RNFT2: variants seen among roughly 807,000 people sequenced by gnomAD.
The protein encoded by RNFT2 is E3 ubiquitin-protein ligase RNFT2.
RNFT2 carries 36 observed loss-of-function variants against 53.0 expected under a neutral mutation model. That is an observed-to-expected ratio of 0.68 (90% CI 0.52 to 0.90). The LOEUF is 0.90. RNFT2 is among the 40% of genes least tolerant of loss of function. RNFT2 has a pLI of 0.00. For missense variants in RNFT2, 514 were observed against 585.6 expected, an observed-to-expected ratio of 0.88 and a Z score of 1.26; for synonymous variants, 260 against 253.2, an observed-to-expected ratio of 1.03 and a Z score of -0.26.
intron 7 of RNFT2, among the ~76,000 whole-genome samples, chr12:116,806,405 G>T (rs1172205027): frequency 1.7e-4 from 25 of 148,814 alleles, no homozygotes; most frequent in Admixed American, 8.8e-4. Flanking sequence ...TATATAGATA[G>T]ATAGATAGAT....
chr12:116,814,397 G>A (rs747101863), intron 7 of RNFT2, among the ~76,000 whole-genome samples: 1 of 152,114 alleles, frequency 6.6e-6, no homozygotes. Flanking sequence ...AAGGGAGGGC[G>A]ATGCTCTTTT....
chr12:116,757,768 C>T (rs1592941495), intron 5 of RNFT2, among the ~76,000 whole-genome samples: 1 of 152,232 alleles, frequency 6.6e-6, no homozygotes, highest in South Asian at 2.1e-4. Flanking sequence ...GAGAAAGTTC[C>T]ATGCGCTGTT....
chr12:116,833,678 TA>T, intron 7 of RNFT2, 113 bp from the exon 8 acceptor site: 1 of 1,074,074 alleles, frequency 9.3e-7, no homozygotes. Context: ...CAGAGCTGAT[TA>T]ATGGCCTGCC....
At chr12:116,809,045 G>A (rs984855664) in intron 7 of RNFT2, among the ~76,000 whole-genome samples, 6 of 152,320 alleles carry the variant, frequency 3.9e-5, no homozygotes, top group South Asian at 2.1e-4. Flanking sequence ...GCACAGGGCC[G>A]GAGCCATGGC....
At chr12:116,833,290 G>A (rs1468040852) in intron 7 of RNFT2, among the ~76,000 whole-genome samples, 1 of 152,160 alleles carries the variant, frequency 6.6e-6, no homozygotes, top group Non-Finnish European at 1.5e-5. Context: ...GAGCTAGGAA[G>A]GACACGTATC....
In RNFT2 at chr12:116,797,176, G is replaced by A. The variant is rs529834561; in HGVS notation, c.882+17828G>A. On this transcript the variant is annotated intron_variant, in intron 7 of 10. Transcript: ENST00000257575. ...TGTTATGGATTGAACTGTGCTCCCC[G>A]AATGTTATGGACTGAACTGTGCCCC... Among the ~76,000 whole-genome samples the A allele has an allele frequency of 1.9e-4, 29 of 152,290 alleles. 1 individual carries two copies. Among genetic ancestry groups the A allele is most frequent in the Middle Eastern group, 3.4e-3 (1 of 294 alleles).
At chr12:116,843,403 G>A (rs1448264841) in intron 10 of RNFT2, among the ~76,000 whole-genome samples, 2 of 138,570 alleles carry the variant, frequency 1.4e-5, no homozygotes, top group Non-Finnish European at 3.0e-5. Context: ...GAGGTGGGAG[G>A]ATCACTCGAG....
In RNFT2 at chr12:116,822,534, A is replaced by T. The variant is rs1876097479; in HGVS notation, c.883-11258A>T. ...TGAGAGTATTAATAGCACCTGCCTC[A>T]TAGTGGTGTGCACAGAGTGGTGCCT... On this transcript the variant is annotated intron_variant, in intron 7 of 10. Transcript: ENST00000257575. 2.0e-5 allele frequency among the ~76,000 whole-genome samples: 3 copies of T among 152,218 alleles called. No individual in the cohort carries two copies. The South Asian group carries it at 6.2e-4, about 31-fold the overall frequency.
At position 116,851,604 on chromosome 12, in the gene RNFT2, G is replaced by C; in HGVS notation, c.*2156G>C. 1.7e-6 allele frequency: 1 copy of C among 601,432 alleles called. No homozygotes were observed. Among genetic ancestry groups the C allele is most frequent in the Non-Finnish European group, 2.9e-6 (1 of 340,288 alleles). 37.3% of individuals were successfully genotyped at this position (601,432 alleles called of 1,614,324 possible). ...AAAATACAAAAATTAGCCGGGCGCG[G>C]TGGCGGGTGCCTGTAATCCCAGCTA... On this transcript the variant is annotated 3_prime_UTR_variant, in exon 11 of 11. Coordinates refer to ENST00000257575, the MANE Select transcript of RNFT2 (RefSeq NM_001382266.1).
At chr12:116,811,524 C>T (rs950132471) in intron 7 of RNFT2, among the ~76,000 whole-genome samples, 1 of 152,046 alleles carries the variant, frequency 6.6e-6, no homozygotes, top group Non-Finnish European at 1.5e-5. Flanking sequence ...TACAGGCGCC[C>T]ACCACCACAC....
chr12:116,776,216 A>G (rs1379309436), intron 6 of RNFT2, among the ~76,000 whole-genome samples: 1 of 152,176 alleles, frequency 6.6e-6, no homozygotes, highest in Non-Finnish European at 1.5e-5. Context: ...GCAAAAACAA[A>G]CAAACAAAAA....
chr12:116,846,592 T>G (rs1289683604), intron 10 of RNFT2, among the ~76,000 whole-genome samples: 1 of 152,000 alleles, frequency 6.6e-6, no homozygotes, highest in African/African-American at 2.4e-5. Flanking sequence ...GCCCAGTTTC[T>G]TTTTTGTGGT....
intron 7 of RNFT2, among the ~76,000 whole-genome samples, chr12:116,818,695 C>G (rs750806345): frequency 6.6e-6 from 1 of 152,236 alleles, no homozygotes; most frequent in African/African-American, 2.4e-5. Context: ...AAGGTGGTGT[C>G]GAGTAATTGA....
At chr12:116,750,425 G>A in intron 4 of RNFT2, 118 bp downstream of exon 4, 1 of 945,076 alleles carries the variant, frequency 1.1e-6, no homozygotes, top group Non-Finnish European at 1.6e-6. Flanking sequence ...ACCAACATGG[G>A]CTTCAGGATG....
At position 116,822,428 on chromosome 12, in the gene RNFT2, G is replaced by A. The variant is rs140038761; in HGVS notation, c.883-11364G>A. The stretch of plus-strand genomic sequence containing the variant: ...GTGGCCATCTTTCCTACTAGATACT[G>A]TCAGATCCAGCATTTTCCAGCTGCG... On this transcript the variant is annotated intron_variant, in intron 7 of 10. Coordinates refer to ENST00000257575, the MANE Select transcript of RNFT2 (RefSeq NM_001382266.1). Among the ~76,000 whole-genome samples the A allele has an allele frequency of 7.9e-3, 1,196 of 152,160 alleles. 14 individuals are homozygous for A. Among genetic ancestry groups the A allele is most frequent in the Non-Finnish European group, 0.011 (754 of 68,006 alleles).
intron 7 of RNFT2, among the ~76,000 whole-genome samples, chr12:116,792,030 T>A (rs1007132918): frequency 2.6e-5 from 4 of 152,204 alleles, no homozygotes; most frequent in Non-Finnish European, 5.9e-5. Context: ...TTCCCGTGTA[T>A]GTTCCCTGAA....
intron 7 of RNFT2, among the ~76,000 whole-genome samples, chr12:116,781,279 G>T (rs117735574): frequency 6.6e-6 from 1 of 152,188 alleles, no homozygotes; most frequent in East Asian, 1.9e-4. Flanking sequence ...CTGCCCAGGG[G>T]GCTGACCTGC....
chr12:116,809,980 A>G (rs953567915), intron 7 of RNFT2, among the ~76,000 whole-genome samples: 5 of 152,160 alleles, frequency 3.3e-5, no homozygotes, highest in African/African-American at 1.2e-4. Flanking sequence ...TAGGCCAGAA[A>G]GACCTTCTTA....
chr12:116,813,764 T>C (rs1324547772), intron 7 of RNFT2, among the ~76,000 whole-genome samples: 1 of 152,238 alleles, frequency 6.6e-6, no homozygotes, highest in Non-Finnish European at 1.5e-5. Context: ...CACTATATTT[T>C]CTCTGAAGCA....
Sources: gnomAD v4.1 joint callset for allele counts (sites outside exome capture counted in the v4.1 genomes callset) on GRCh38, gnomAD v4.1.1 for gene constraint, MANE v1.5 for transcripts, NCBI Gene and HGNC (gene_info 2026-07-23, HGNC 2026-07-21) for gene names.